The following GRID2 variants were observed in gnomAD, a reference collection of about 807,000 sequenced individuals.
GRID2 encodes glutamate receptor ionotropic, delta-2.
Under a neutral mutation model 114.8 loss-of-function variants are expected in GRID2, and 33 were observed. The ratio of observed to expected loss-of-function variants is 0.29; its 90% CI spans 0.22 to 0.38. The LOEUF is 0.38. GRID2 is among the 10% of genes least tolerant of loss of function. GRID2 has a pLI of 1.00. For missense variants in GRID2, 1,184 were observed against 1,257.7 expected, an observed-to-expected ratio of 0.94 and a Z score of 0.89; for synonymous variants, 505 against 449.9, an observed-to-expected ratio of 1.12 and a Z score of -1.55.
chr4:92,952,031 TTCACA>T (rs1752077456), intron 2 of GRID2, among the ~76,000 whole-genome samples: 1 of 152,168 alleles, frequency 6.6e-6, no homozygotes, highest in Non-Finnish European at 1.5e-5. Flanking sequence ...TACATGTCCC[TTCACA>T]TATGTGCAAG....
intron 2 of GRID2, among the ~76,000 whole-genome samples, chr4:92,594,806 A>AAT (rs1490810974): frequency 2.6e-4 from 40 of 152,106 alleles, no homozygotes; most frequent in African/African-American, 8.7e-4. Flanking sequence ...ATTTAGCATA[A>AAT]ATGTACAAAT....
intron 4 of GRID2, among the ~76,000 whole-genome samples, chr4:93,161,099 C>T (rs1737651424): frequency 6.6e-6 from 1 of 151,776 alleles, no homozygotes; most frequent in Non-Finnish European, 1.5e-5. Context: ...ATCATTTTCT[C>T]AGTCTTTGAC....
chr4:93,558,399 G>A (rs894135755), intron 13 of GRID2, among the ~76,000 whole-genome samples: 1 of 152,124 alleles, frequency 6.6e-6, no homozygotes, highest in Non-Finnish European at 1.5e-5. Flanking sequence ...AAATGATAAA[G>A]GGGATATCAC....
intron 2 of GRID2, among the ~76,000 whole-genome samples, chr4:92,777,873 C>T (rs972902963): frequency 2.6e-5 from 4 of 152,158 alleles, no homozygotes; most frequent in East Asian, 3.9e-4. Flanking sequence ...TGAGAAAATA[C>T]ATTTCTATTG....
intron 14 of GRID2, among the ~76,000 whole-genome samples, chr4:93,700,240 C>T (rs1483311799): frequency 1.3e-5 from 2 of 152,074 alleles, no homozygotes; most frequent in Non-Finnish European, 2.9e-5. Flanking sequence ...CCTAGACAGT[C>T]AAGTGGAGAG....
intron 1 of GRID2, among the ~76,000 whole-genome samples, chr4:92,402,340 A>G (rs1440440631): frequency 6.6e-6 from 1 of 152,144 alleles, no homozygotes; most frequent in East Asian, 1.9e-4. Context: ...TAGAGTGGAG[A>G]ATCCTTTCCT....
At chr4:92,509,528 AC>A (rs1724136262) in intron 1 of GRID2, among the ~76,000 whole-genome samples, 1 of 151,960 alleles carries the variant, frequency 6.6e-6, no homozygotes, top group Non-Finnish European at 1.5e-5. Flanking sequence ...TTCTCATGGA[AC>A]CTATGGGTTT....
intron 2 of GRID2, among the ~76,000 whole-genome samples, chr4:92,666,030 G>A (rs569982984): frequency 6.6e-6 from 1 of 150,976 alleles, no homozygotes; most frequent in South Asian, 2.1e-4. Flanking sequence ...CTTCTCCTTC[G>A]GAGACTACTA....
intron 2 of GRID2, among the ~76,000 whole-genome samples, chr4:92,889,638 T>C (rs1224691131): frequency 6.6e-6 from 1 of 152,090 alleles, no homozygotes; most frequent in Non-Finnish European, 1.5e-5. Context: ...AATGGAAATA[T>C]ATCGCATGCT....
intron 14 of GRID2, among the ~76,000 whole-genome samples, chr4:93,756,678 TATC>T (rs1732776658): frequency 6.6e-6 from 1 of 152,168 alleles, no homozygotes. Flanking sequence ...CATCTCAAAA[TATC>T]ATTACAATGG....
intron 2 of GRID2, among the ~76,000 whole-genome samples, chr4:92,813,485 C>T (rs1368207616): frequency 6.6e-6 from 1 of 152,062 alleles, no homozygotes; most frequent in African/African-American, 2.4e-5. Flanking sequence ...TTTGGATATA[C>T]AAACATTCAA....
At chr4:92,578,721 T>TATCTATAAATCA (rs1553902705) in intron 1 of GRID2, among the ~76,000 whole-genome samples, 2 of 138,412 alleles carry the variant, frequency 1.4e-5, no homozygotes, top group African/African-American at 2.8e-5. Context: ...TATCATTATC[T>TATCTATAAATCA]ATCTATCTAT....
intron 1 of GRID2, among the ~76,000 whole-genome samples, chr4:92,401,597 A>G (rs1056714019): frequency 1.3e-5 from 2 of 152,210 alleles, no homozygotes; most frequent in African/African-American, 4.8e-5. Flanking sequence ...TCTACACTAT[A>G]CTGTATGTCT....
intron 1 of GRID2, among the ~76,000 whole-genome samples, chr4:92,419,048 G>A (rs564347372): frequency 6.6e-6 from 1 of 151,998 alleles, no homozygotes; most frequent in African/African-American, 2.4e-5. Context: ...AAGCTTAAAA[G>A]CTTAATTTGC....
intron 2 of GRID2, among the ~76,000 whole-genome samples, chr4:92,623,150 A>G (rs1730355160): frequency 6.6e-6 from 1 of 151,698 alleles, no homozygotes; most frequent in Admixed American, 6.6e-5. Flanking sequence ...ATTTTAAAAT[A>G]GTTATTTTAT....
intron 1 of GRID2, among the ~76,000 whole-genome samples, chr4:92,462,267 A>T: frequency 6.6e-6 from 1 of 152,192 alleles, no homozygotes; most frequent in South Asian, 2.1e-4. Context: ...CCTACGCATC[A>T]CAGTCTCCCA....
chr4:93,681,466 T>C (rs951253901), intron 14 of GRID2, among the ~76,000 whole-genome samples: 3 of 151,426 alleles, frequency 2.0e-5, no homozygotes, highest in Non-Finnish European at 4.4e-5. Context: ...GAGCCCGCAT[T>C]GCCAAGTCAA....
chr4:92,409,218 G>A (rs944053474), intron 1 of GRID2, among the ~76,000 whole-genome samples: 1 of 152,032 alleles, frequency 6.6e-6, no homozygotes, highest in African/African-American at 2.4e-5. Flanking sequence ...CGTGTATTTT[G>A]GCTGTAATAC....
Position 93,774,458 on chromosome 4 carries a change from C to T in GRID2, c.*1960C>T, listed in dbSNP as rs898504593. ...TTATTTTGATGTATCGCCTATTATA[C>T]AAACACACAAAACATTTTTGGAGGC... On this transcript the variant is annotated 3_prime_UTR_variant, in exon 16 of 16. Coordinates refer to ENST00000282020, the MANE Select transcript of GRID2 (RefSeq NM_001510.4). The T allele has an allele frequency of 3.3e-5, 5 of 152,056 alleles. No homozygotes were observed. The highest frequency in any genetic ancestry group is 5.9e-5 in the Non-Finnish European group (4 of 67,972). 9.4% of individuals were successfully genotyped at this position (152,056 alleles called of 1,614,324 possible). A position where few individuals can be genotyped will look rare whatever the true frequency, so the allele number is the denominator to read the frequency against.
Sources: gnomAD v4.1 joint callset for allele counts (sites outside exome capture counted in the v4.1 genomes callset) on GRCh38, gnomAD v4.1.1 for gene constraint, MANE v1.5 for transcripts, NCBI Gene and HGNC (gene_info 2026-07-23, HGNC 2026-07-21) for gene names.